FAM20A: variants seen among roughly 807,000 people sequenced by gnomAD.
FAM20A encodes the protein pseudokinase FAM20A.
A neutral mutation model predicts 52.0 loss-of-function variants in FAM20A; 42 were observed. The ratio of observed to expected loss-of-function variants is 0.81; its 90% CI spans 0.63 to 1.04. The LOEUF (loss-of-function observed/expected upper bound fraction) is 1.04, where lower values mean the gene tolerates loss of function less well. Among genes scored for constraint, FAM20A ranks in the 50% least tolerant of loss-of-function variants. FAM20A has a pLI of 0.00. For missense variants in FAM20A, 742 were observed against 712.7 expected (o/e 1.04, Z -0.47); for synonymous variants, 304 against 298.9 (o/e 1.02, Z -0.18).
At chr17:68,539,644 C>T (rs573099642) in intron 9 of FAM20A, among the ~76,000 whole-genome samples, 2 of 152,352 alleles carry the variant, frequency 1.3e-5, no homozygotes, top group East Asian at 1.9e-4. Context: ...GCACCTTGCT[C>T]TCGAAAACCT....
intron 1 of FAM20A, among the ~76,000 whole-genome samples, chr17:68,569,311 C>G (rs1029162533): frequency 6.6e-6 from 1 of 152,200 alleles, no homozygotes; most frequent in Non-Finnish European, 1.5e-5. Flanking sequence ...GTCCACCCCT[C>G]TTCTCTACCA....
chr17:68,599,727 C>T (rs2088557256), intron 1 of FAM20A, among the ~76,000 whole-genome samples: 1 of 152,164 alleles, frequency 6.6e-6, no homozygotes, highest in Admixed American at 6.5e-5. Context: ...ATCTCTGAAA[C>T]TGGGCAGAGG....
chr17:68,584,557 A>C (rs574382019), intron 1 of FAM20A, among the ~76,000 whole-genome samples: 6 of 152,280 alleles, frequency 3.9e-5, no homozygotes, highest in Non-Finnish European at 5.9e-5. Flanking sequence ...AAAGGACAAG[A>C]AGCAGCCTGC....
At chr17:68,596,544 A>G (rs2088458129) in intron 1 of FAM20A, among the ~76,000 whole-genome samples, 1 of 152,214 alleles carries the variant, frequency 6.6e-6, no homozygotes, top group Admixed American at 6.5e-5. Context: ...GTATCTAAGA[A>G]TGCAAAGGCG....
chr17:68,560,617 A>G (rs2087187147), intron 1 of FAM20A, among the ~76,000 whole-genome samples: 1 of 152,228 alleles, frequency 6.6e-6, no homozygotes, highest in South Asian at 2.1e-4. Flanking sequence ...ATGTTTTGTT[A>G]TGCCGAGCGA....
chr17:68,587,556 G>C (rs924934827), intron 1 of FAM20A, among the ~76,000 whole-genome samples: 1 of 152,198 alleles, frequency 6.6e-6, no homozygotes. Context: ...TGCAAGGGCA[G>C]CACCTATGTT....
chr17:68,585,401 C>T (rs574089024), intron 1 of FAM20A, among the ~76,000 whole-genome samples: 8 of 152,198 alleles, frequency 5.3e-5, no homozygotes, highest in Admixed American at 2.6e-4. Flanking sequence ...TCTCTTCATC[C>T]GTGCAAACAC....
intron 1 of FAM20A, among the ~76,000 whole-genome samples, chr17:68,594,229 C>T (rs1049809410): frequency 2.0e-5 from 3 of 152,144 alleles, no homozygotes; most frequent in Admixed American, 2.0e-4. Context: ...GAAACGCCGT[C>T]TCTACTAAAA....
intron 1 of FAM20A, among the ~76,000 whole-genome samples, chr17:68,569,146 A>G (rs1296973961): frequency 1.3e-5 from 2 of 152,114 alleles, no homozygotes; most frequent in African/African-American, 2.4e-5. Flanking sequence ...CCCAGCTTCA[A>G]TGATCGCTTT....
chr17:68,555,693 G>T lies in FAM20A; in HGVS notation c.455C>A (p.Pro152Gln), dbSNP rs200530607. The change falls in exon 2 of 11, where the codon CCA (proline) becomes CAA (glutamine). Residue 152 changes from proline to glutamine, a missense_variant. Pro to Gln is a moderately conservative substitution (Grantham distance 76, BLOSUM62 -1). Coordinates refer to ENST00000592554, the MANE Select transcript of FAM20A (RefSeq NM_017565.4). ...EQMNLTSLDP[P>Q]LQLRLEASWV... The stretch of plus-strand genomic sequence containing the variant: ...GCTGGCCTCGAGTCGGAGCTGCAGT[G>T]GGGGGTCCAGGGAGGTAAGGTTCAT... 1.9e-6 allele frequency: 3 copies of T among 1,613,906 alleles called. No individual in the cohort carries two copies. The highest frequency in any genetic ancestry group is 1.1e-5 in the South Asian group (1 of 91,060).
chr17:68,560,086 G>C (rs528685934), intron 1 of FAM20A, among the ~76,000 whole-genome samples: 1 of 152,162 alleles, frequency 6.6e-6, no homozygotes, highest in Admixed American at 6.5e-5. Context: ...GGTGGGATTA[G>C]TGCCCTTCTA....
intron 1 of FAM20A, among the ~76,000 whole-genome samples, chr17:68,564,249 T>C (rs1007830054): frequency 1.3e-5 from 2 of 152,202 alleles, no homozygotes; most frequent in African/African-American, 4.8e-5. Flanking sequence ...AGCTTCAGTT[T>C]AGCTGTTGTG....
In FAM20A at chr17:68,560,169, T is replaced by C. The variant is rs145317370; in HGVS notation, c.405-4426A>G. Among the ~76,000 whole-genome samples the C allele has an allele frequency of 5.2e-3, 798 of 152,122 alleles. 5 individuals carry two copies. The highest frequency in any genetic ancestry group is 0.018 in the African/African-American group (739 of 41,504). On this transcript the variant is annotated intron_variant, in intron 1 of 10. Coordinates refer to ENST00000592554, the MANE Select transcript of FAM20A (RefSeq NM_017565.4). ...AGATGGTCTCAATCTCTTGACCTCA[T>C]GATCCACCCGCCTCGGCCTGCCAAA...
rs537397943 is a variant in FAM20A, at chr17:68,540,876, C to T, written c.1192G>A (p.Asp398Asn). ...NNSQRLLNVI[D>N]MAIFDFLIGN... The stretch of plus-strand genomic sequence containing the variant: ...ATCAAGAAGTCGAAGATGGCCATGT[C>T]GATGACATTGAGGAGCCGCTGGCTG... The change falls in exon 8 of 11, where the codon GAC (aspartate) becomes AAC (asparagine). Residue 398 changes from aspartate (D) to asparagine (N), a missense_variant. Coordinates refer to ENST00000592554, the MANE Select transcript of FAM20A (RefSeq NM_017565.4). 2.7e-5 allele frequency: 43 copies of T among 1,604,072 alleles called. No homozygotes were observed. The highest frequency in any genetic ancestry group is 2.3e-4 in the African/African-American group (17 of 74,808).
At position 68,565,342 on chromosome 17, in the gene FAM20A, C is replaced by T. The variant is rs575833742; in HGVS notation, c.405-9599G>A. Among the ~76,000 whole-genome samples the T allele has an allele frequency of 2.0e-5, 3 of 151,058 alleles. No homozygotes were observed. In the East Asian group the frequency reaches 5.8e-4, roughly 29 times the overall value. On this transcript the variant is annotated intron_variant, in intron 1 of 10. Coordinates refer to ENST00000592554, the MANE Select transcript of FAM20A (RefSeq NM_017565.4). ...AGACATCTTTGGTTCCTGCCTCTTCCCAATCATTTTTAAATCCTGGAGTTT... is the reference window on the plus strand; with the variant it reads ...AGACATCTTTGGTTCCTGCCTCTTCTCAATCATTTTTAAATCCTGGAGTTT...
rs2088604369 is a variant in FAM20A at position 68,600,791 on chromosome 17, G to T, written c.-125C>A. Reference sequence around the variant, plus strand: ...GGGTGGGCCGGGGTCAGTGAGACCGGAATGCTCCCCGCGCGGGCTAGTCCC... The same window carrying T: ...GGGTGGGCCGGGGTCAGTGAGACCGTAATGCTCCCCGCGCGGGCTAGTCCC... On this transcript the variant is annotated 5_prime_UTR_variant, in exon 1 of 11. Transcript: ENST00000592554. This position sits in a 1 kb window ranked among gnomAD's most constrained non-coding sequence, Gnocchi z 6.2. The T allele has an allele frequency of 1.9e-6, 2 of 1,080,502 alleles. No individual in the cohort carries two copies. The highest frequency in any genetic ancestry group is 5.5e-5 in the East Asian group (2 of 36,476). The allele number at this position is 1,080,502 out of a possible 1,614,324, so 66.9% of individuals were successfully genotyped here. A position where few individuals can be genotyped will look rare whatever the true frequency, so the allele number is the denominator to read the frequency against.
chr17:68,585,757 G>A (rs550664983), intron 1 of FAM20A, among the ~76,000 whole-genome samples: 5 of 152,278 alleles, frequency 3.3e-5, no homozygotes, highest in African/African-American at 7.2e-5. Context: ...CACCACGATC[G>A]CGAATGGGTG....
Position 68,537,435 on chromosome 17 carries a change from C to T in FAM20A, c.*42G>A. On this transcript the variant is annotated 3_prime_UTR_variant, in exon 11 of 11. Transcript: ENST00000592554. The surrounding 1 kb of genome is among the most constrained non-coding windows in gnomAD (Gnocchi z 4.2). ...AGGGTCGGCACTCGAGTCGACTGCT[C>T]TGGCTCCAGGCGTATTTTCTGAAAC... is the stretch of plus-strand genomic sequence containing the variant. The T allele has an allele frequency of 6.2e-7, 1 of 1,613,428 alleles. No homozygotes were observed. The highest frequency in any genetic ancestry group is 1.1e-5 in the South Asian group (1 of 90,990).
chr17:68,543,800 G>C (rs1475514076), intron 4 of FAM20A, 79 bp from the exon 5 acceptor site: 5 of 1,260,492 alleles, frequency 4.0e-6, no homozygotes, highest in Non-Finnish European at 5.8e-6. Flanking sequence ...AGCATGACCA[G>C]CGAGAAAGGA....
Sources: gnomAD v4.1 joint callset for allele counts (sites outside exome capture counted in the v4.1 genomes callset) on GRCh38, gnomAD v4.1.1 for gene constraint, Gnocchi (gnomAD v3.1) non-coding constraint, MANE v1.5 for transcripts, NCBI Gene and HGNC (gene_info 2026-07-23, HGNC 2026-07-21) for gene names.